The following POP1 variants were observed in gnomAD, a reference collection of about 807,000 sequenced individuals.
POP1 encodes ribonucleases P/MRP protein subunit POP1.
A neutral mutation model predicts 102.2 loss-of-function variants in POP1; 75 were observed. The ratio of observed to expected loss-of-function variants is 0.73; its 90% CI spans 0.61 to 0.89. POP1 has a LOEUF of 0.89. Ranked by LOEUF, POP1 falls within the 40% of genes least tolerant of loss-of-function variation. The pLI is 0.00. For missense variants in POP1, 1,116 were observed against 1,267.4 expected (o/e 0.88, Z 1.81); for synonymous variants, 436 against 464.1 (o/e 0.94, Z 0.78).
chr8:98,143,664 T>TA (rs1176649474), intron 11 of POP1, among the ~76,000 whole-genome samples: 4 of 152,174 alleles, frequency 2.6e-5, no homozygotes, highest in African/African-American at 7.2e-5. Context: ...AATAGCATCA[T>TA]ACAGAATAGA....
intron 2 of POP1, among the ~76,000 whole-genome samples, chr8:98,125,323 C>G (rs892152440): frequency 2.0e-5 from 3 of 151,252 alleles, no homozygotes; most frequent in African/African-American, 7.3e-5. Context: ...GTAGCTGAGA[C>G]TACAGGCGTG....
chr8:98,123,627 A>C, intron 2 of POP1, 148 bp downstream of exon 2: 3 of 659,146 alleles, frequency 4.6e-6, no homozygotes, highest in Non-Finnish European at 7.5e-6. Context: ...AAATACAAGA[A>C]TTAACTGGGT....
intron 15 of POP1, 89 bp from the exon 16 acceptor site, chr8:98,157,527 CA>C: frequency 6.9e-7 from 1 of 1,441,922 alleles, no homozygotes. Flanking sequence ...ATAAAAGAAT[CA>C]AATTAATTCT....
chr8:98,131,692 A>G (rs761262618), intron 5 of POP1, among the ~76,000 whole-genome samples: 32 of 152,092 alleles, frequency 2.1e-4, no homozygotes, highest in Non-Finnish European at 4.0e-4. Context: ...CTGCCTTACC[A>G]TTTTCCATAG....
At chr8:98,127,475 C>G in intron 2 of POP1, 120 bp from the exon 3 acceptor site, 1 of 1,251,590 alleles carries the variant, frequency 8.0e-7, no homozygotes, top group African/African-American at 1.5e-5. Context: ...TAATAGCCAC[C>G]TTACAGGGTG....
chr8:98,149,097 A>C, intron 13 of POP1, 91 bp downstream of exon 13: 1 of 1,256,226 alleles, frequency 8.0e-7, no homozygotes, highest in South Asian at 1.3e-5. Flanking sequence ...CTTTATGTAC[A>C]ACTTAGGAGG....
At chr8:98,136,264 A>G (rs1186786361) in intron 7 of POP1, among the ~76,000 whole-genome samples, 1 of 151,674 alleles carries the variant, frequency 6.6e-6, no homozygotes, top group Non-Finnish European at 1.5e-5. Flanking sequence ...TTCAGTAGAG[A>G]TGGAGTTTTG....
chr8:98,126,427 A>G (rs1015273179), intron 2 of POP1, among the ~76,000 whole-genome samples: 2 of 152,220 alleles, frequency 1.3e-5, no homozygotes, highest in African/African-American at 2.4e-5. Flanking sequence ...ATGAAGGCAT[A>G]TAACACACAG....
intron 2 of POP1, among the ~76,000 whole-genome samples, chr8:98,124,701 T>C (rs1816144242): frequency 6.6e-6 from 1 of 152,176 alleles, no homozygotes; most frequent in Non-Finnish European, 1.5e-5. Flanking sequence ...ATAATGAAAA[T>C]TGGCTATGCA....
chr8:98,149,306 T>A (rs1442220612), intron 13 of POP1, among the ~76,000 whole-genome samples: 1 of 152,218 alleles, frequency 6.6e-6, no homozygotes, highest in Non-Finnish European at 1.5e-5. Context: ...AAATTTGTTA[T>A]AAGTTTAAAA....
intron 5 of POP1, among the ~76,000 whole-genome samples, chr8:98,132,799 G>A (rs1232805915): frequency 6.6e-6 from 1 of 151,374 alleles, no homozygotes; most frequent in African/African-American, 2.4e-5. Flanking sequence ...GCCAGGCATG[G>A]CAGCTCATGC....
At chr8:98,150,772 A>G in intron 14 of POP1, 133 bp downstream of exon 14, 1 of 866,082 alleles carries the variant, frequency 1.2e-6, no homozygotes, top group South Asian at 1.7e-5. Context: ...TTACTGAGAA[A>G]TAATTAAGAA....
chr8:98,139,555 T>A (rs1325048766), intron 9 of POP1, among the ~76,000 whole-genome samples: 1 of 151,968 alleles, frequency 6.6e-6, no homozygotes, highest in African/African-American at 2.4e-5. Context: ...ACCATATATC[T>A]ACAAAAAATA....
chr8:98,142,640 C>T (rs926780556), intron 11 of POP1, among the ~76,000 whole-genome samples: 40 of 152,208 alleles, frequency 2.6e-4, no homozygotes, highest in African/African-American at 9.4e-4. Flanking sequence ...TTGATTAGTT[C>T]TTATCTGTGA....
At chr8:98,144,111 G>A (rs909021448) in intron 11 of POP1, among the ~76,000 whole-genome samples, 18 of 151,862 alleles carry the variant, frequency 1.2e-4, no homozygotes, top group Non-Finnish European at 1.8e-4. Flanking sequence ...AGCTGAGATC[G>A]CACCACCACA....
At chr8:98,155,911 G>T (rs1413151703) in intron 14 of POP1, 139 bp from the exon 15 acceptor site, 8 of 192,904 alleles carry the variant, frequency 4.1e-5, no homozygotes, top group Admixed American at 7.2e-5. Flanking sequence ...GAAAGCTTTT[G>T]TGTGTGTGTG....
In POP1 at chr8:98,133,349, C is replaced by T. The variant is rs553093067; in HGVS notation, c.736-600C>T. On this transcript the variant is annotated intron_variant, in intron 5 of 15. Transcript: ENST00000401707. ...TCTTACTTGAAATTGTATGTTATTA[C>T]TTTTACTTTCTTTGTACTGTGCTTA... 4.6e-5 allele frequency among the ~76,000 whole-genome samples: 7 copies of T among 152,240 alleles called. No homozygotes were observed. The South Asian group carries it at 1.4e-3, about 32-fold the overall frequency.
Position 98,128,500 on chromosome 8 carries a change from A to G in POP1, c.446A>G (p.Lys149Arg), listed in dbSNP as rs780717557. Residue 149 changes from lysine to arginine, a missense_variant, in exon 4 of 16, where the codon AAA becomes AGA. Transcript: ENST00000401707. ...MRRRAMSHNV[K>R]RLPRRLQEIA... ...CGAAGAGCCATGAGCCACAACGTCA[A>G]ACGCCTTCCCAGACGGTTACAGGAG... The G allele has an allele frequency of 1.2e-6, 2 of 1,613,870 alleles. No homozygotes were observed. The highest frequency in any genetic ancestry group is 1.7e-6 in the Non-Finnish European group (2 of 1,179,882).
Position 98,140,186 on chromosome 8 carries a change from G to A in POP1, c.1471G>A (p.Gly491Arg), listed in dbSNP as rs558765225. The change falls in exon 10 of 16, where the codon GGA becomes AGA. Residue 491 changes from glycine (G) to arginine (R), a missense_variant. Coordinates refer to ENST00000401707, the MANE Select transcript of POP1 (RefSeq NM_001145860.2). Reference sequence around the variant, plus strand: ...ACAAGAAGCCATTTTCGAGTTGTTGGGAGGTATACAAAGGGAAGACTGGGT... The same window carrying A: ...ACAAGAAGCCATTTTCGAGTTGTTGAGAGGTATACAAAGGGAAGACTGGGT... ...CRQEAIFELL[G>R]GITSPAEIPA... 7.4e-6 allele frequency: 12 copies of A among 1,613,714 alleles called. No individual in the cohort carries two copies. Among genetic ancestry groups the A allele is most frequent in the Non-Finnish European group, 9.3e-6 (11 of 1,179,798 alleles).
Sources: allele counts gnomAD v4.1 joint callset (sites outside exome capture counted in the v4.1 genomes callset), GRCh38; gene constraint gnomAD v4.1.1; transcripts MANE v1.5; gene names NCBI Gene and HGNC (gene_info 2026-07-23, HGNC 2026-07-21).